MYO16: variants seen among roughly 807,000 people sequenced by gnomAD.
MYO16 encodes the protein unconventional myosin-XVI.
In MYO16, 94 loss-of-function variants were observed where a neutral mutation model predicts 205.3. The ratio of observed to expected loss-of-function variants is 0.46; its 90% CI spans 0.39 to 0.54. MYO16 has a LOEUF of 0.54. Among genes scored for constraint, MYO16 ranks in the 20% least tolerant of loss-of-function variants. The pLI, the probability that MYO16 is intolerant of heterozygous loss-of-function variation, is 0.00. For missense variants in MYO16, 2,315 were observed against 2,387.5 expected, an observed-to-expected ratio of 0.97 and a Z score of 0.63; for synonymous variants, 988 against 954.0, an observed-to-expected ratio of 1.04 and a Z score of -0.66.
intron 6 of MYO16, among the ~76,000 whole-genome samples, chr13:108,798,443 A>C (rs1237137350): frequency 6.6e-6 from 1 of 152,132 alleles, no homozygotes; most frequent in Non-Finnish European, 1.5e-5. Context: ...TAAATATAAC[A>C]TATCTCTTTT....
chr13:108,797,662 A>C (rs1001704555), intron 6 of MYO16, among the ~76,000 whole-genome samples: 5 of 152,206 alleles, frequency 3.3e-5, no homozygotes, highest in Admixed American at 6.5e-5. Context: ...GTAGGGTCAA[A>C]AATCTGATTG....
At chr13:108,782,840 C>A (rs1486522482) in intron 4 of MYO16, among the ~76,000 whole-genome samples, 1 of 152,138 alleles carries the variant, frequency 6.6e-6, no homozygotes, top group East Asian at 1.9e-4. Context: ...TGGTATTGAG[C>A]CTGCAGGTAG....
intron 31 of MYO16, among the ~76,000 whole-genome samples, chr13:109,128,061 G>A (rs1393049160): frequency 6.6e-6 from 1 of 152,178 alleles, no homozygotes; most frequent in Admixed American, 6.5e-5. Flanking sequence ...GCTCAAAAGG[G>A]AACATAGCAG....
At chr13:108,811,052 TTGTA>T (rs1316430616) in intron 7 of MYO16, among the ~76,000 whole-genome samples, 4 of 152,184 alleles carry the variant, frequency 2.6e-5, no homozygotes, top group African/African-American at 9.6e-5. Context: ...CATTCTAGTC[TTGTA>T]TGTATTTACT....
At chr13:108,636,365 TTTTTTGTGTGTGTGTGTG>T (rs1880244665) in intron 1 of MYO16, among the ~76,000 whole-genome samples, 1 of 64,894 alleles carries the variant, frequency 1.5e-5, no homozygotes, top group East Asian at 4.2e-4. Flanking sequence ...TTTTTTTTTT[TTTTTTGTGTGTGTGTGTG>T]TGTGTGTGTG....
At chr13:108,801,436 T>A (rs1283200646) in intron 6 of MYO16, among the ~76,000 whole-genome samples, 1 of 152,204 alleles carries the variant, frequency 6.6e-6, no homozygotes, top group Non-Finnish European at 1.5e-5. Context: ...TATTTTAGAA[T>A]CAGGATGTAT....
At chr13:108,634,383 A>G (rs1041073093) in intron 1 of MYO16, among the ~76,000 whole-genome samples, 15 of 152,086 alleles carry the variant, frequency 9.9e-5, no homozygotes, top group African/African-American at 3.6e-4. Context: ...GCCTCCTGCA[A>G]GCTTGCATTT....
intron 25 of MYO16, chr13:109,054,210 A>G (rs938707620): frequency 4.7e-6 from 1 of 212,746 alleles, no homozygotes; most frequent in Non-Finnish European, 9.9e-6. Flanking sequence ...TGTCTCTATC[A>G]TCATGTAATC....
At chr13:108,920,918 G>A (rs1215619626) in intron 16 of MYO16, among the ~76,000 whole-genome samples, 1 of 152,214 alleles carries the variant, frequency 6.6e-6, no homozygotes, top group Non-Finnish European at 1.5e-5. Context: ...GGTCACTGGA[G>A]GTGTGGCCCT....
At chr13:109,056,473 G>A (rs978792854) in intron 27 of MYO16, among the ~76,000 whole-genome samples, 3 of 152,092 alleles carry the variant, frequency 2.0e-5, no homozygotes, top group Non-Finnish European at 4.4e-5. Flanking sequence ...TGGTTGATGG[G>A]TAGTAACTTA....
At chr13:108,927,719 C>G (rs543966881) in intron 16 of MYO16, among the ~76,000 whole-genome samples, 3 of 152,354 alleles carry the variant, frequency 2.0e-5, no homozygotes, top group Admixed American at 1.3e-4. Context: ...CTTGCGCATG[C>G]CCTGGAGGTG....
the MYO16 span, among the ~76,000 whole-genome samples, chr13:108,536,958 C>A: frequency 1.3e-5 from 2 of 152,042 alleles, no homozygotes; most frequent in African/African-American, 4.8e-5. Flanking sequence ...TTTCTGATGT[C>A]AAGTATTATG....
intron 24 of MYO16, among the ~76,000 whole-genome samples, chr13:109,049,673 T>G (rs1450829044): frequency 1.3e-5 from 2 of 152,180 alleles, no homozygotes; most frequent in African/African-American, 4.8e-5. Flanking sequence ...GTTGCATTGC[T>G]TATCTGTGGG....
chr13:108,701,816 C>T (rs527878124), intron 2 of MYO16, among the ~76,000 whole-genome samples: 51 of 151,960 alleles, frequency 3.4e-4, no homozygotes, highest in African/African-American at 1.1e-3. Flanking sequence ...ATGTCTAAAT[C>T]GCTAAAGGAA....
chr13:109,108,847 C>G (rs112111866), intron 28 of MYO16, among the ~76,000 whole-genome samples: 3 of 152,108 alleles, frequency 2.0e-5, no homozygotes. Flanking sequence ...GTGAGGGGCC[C>G]GAGTGTGCTG....
chr13:108,860,472 C>T (rs183987144), intron 11 of MYO16, among the ~76,000 whole-genome samples: 3 of 152,250 alleles, frequency 2.0e-5, no homozygotes, highest in African/African-American at 2.4e-5. Flanking sequence ...CATGAACATT[C>T]GTGTGCATGT....
In MYO16 at chr13:108,871,350, G is replaced by GTGTGGTGTA. The variant is rs1555307579; in HGVS notation, c.1425+5112_1425+5113insGTGTATGTG. 2.7e-3 allele frequency among the ~76,000 whole-genome samples: 394 copies of GTGTGGTGTA among 147,332 alleles called. 1 individual carries two copies. The highest frequency in any genetic ancestry group is 4.3e-3 in the Non-Finnish European group (293 of 67,502). On this transcript the variant is annotated intron_variant, in intron 12 of 34. Coordinates refer to ENST00000457511, the MANE Select transcript of MYO16 (RefSeq NM_001198950.3). The stretch of plus-strand genomic sequence containing the variant: ...TGTGTGTGTGTGTGTGTGTGTGTGT[G>GTGTGGTGTA]TGTGTGTGTGTGTCTGTGTGTTGGT...
At chr13:108,840,893 A>C (rs901173311) in intron 9 of MYO16, among the ~76,000 whole-genome samples, 3 of 152,220 alleles carry the variant, frequency 2.0e-5, no homozygotes, top group African/African-American at 7.2e-5. Context: ...TGATGAAGGA[A>C]ATTGACAAAG....
At chr13:108,702,009 G>C (rs1566559130) in intron 2 of MYO16, among the ~76,000 whole-genome samples, 1 of 145,978 alleles carries the variant, frequency 6.9e-6, no homozygotes, top group South Asian at 2.2e-4. Flanking sequence ...TCCAGTCTGA[G>C]GTAGAGAAGA....
Sources: allele counts gnomAD v4.1 joint callset (sites outside exome capture counted in the v4.1 genomes callset), GRCh38; gene constraint gnomAD v4.1.1; transcripts MANE v1.5; gene names NCBI Gene and HGNC (gene_info 2026-07-23, HGNC 2026-07-21).